Variants in PPEF2 observed in about 807,000 individuals in gnomAD.
PPEF2 encodes the protein protein phosphatase with EF-hand domain 2.
A neutral mutation model predicts 84.7 loss-of-function variants in PPEF2; 84 were observed. The ratio of observed to expected loss-of-function variants is 0.99; its 90% CI spans 0.83 to 1.19. The LOEUF (loss-of-function observed/expected upper bound fraction) is 1.19, where lower values mean the gene tolerates loss of function less well. Among genes scored for constraint, PPEF2 ranks in the 50% most tolerant of loss-of-function variants. The pLI is 0.00. For synonymous variants in PPEF2, 346 were observed against 345.2 expected (o/e 1.00, Z -0.03); for missense variants, 924 against 937.5 (o/e 0.99, Z 0.19).
intron 2 of PPEF2, among the ~76,000 whole-genome samples, chr4:75,892,605 C>G (rs1724916929): frequency 6.6e-6 from 1 of 152,230 alleles, no homozygotes; most frequent in African/African-American, 2.4e-5. Context: ...TTGCCATCCC[C>G]AGTTCCATGA....
In PPEF2 at chr4:75,896,414, G is replaced by A. The variant is rs1441230817; in HGVS notation, c.-58-31C>T. ...AAAATGAAGAGAGAATCTGTAATAG[G>A]AGATGCAGGCAGAGTATTAAATCGG... On this transcript the variant is annotated intron_variant, in intron 1 of 16. Coordinates refer to ENST00000286719, the MANE Select transcript of PPEF2 (RefSeq NM_006239.3). 10 of 1,414,610 alleles carry A rather than the reference G, an allele frequency of 7.1e-6. No homozygotes were observed. The East Asian group carries it at 1.1e-4, about 16-fold the overall frequency. 87.6% of individuals were successfully genotyped at this position (1,414,610 alleles called of 1,614,324 possible).
chr4:75,883,814 T>A (rs2149222641), intron 8 of PPEF2, among the ~76,000 whole-genome samples: 1 of 52,552 alleles, frequency 1.9e-5, no homozygotes, highest in Admixed American at 3.6e-4. Flanking sequence ...CGAGACTCCG[T>A]CACAAAAAAA....
At chr4:75,865,051 C>T (rs1031709581) in intron 15 of PPEF2, among the ~76,000 whole-genome samples, 3 of 151,984 alleles carry the variant, frequency 2.0e-5, no homozygotes, top group Non-Finnish European at 4.4e-5. Flanking sequence ...ATTCTCCTGT[C>T]TCGGCCTCCC....
At position 75,866,295 on chromosome 4, in the gene PPEF2, A is replaced by C; in HGVS notation, c.1814T>G (p.Leu605Arg). The C allele has an allele frequency of 6.2e-7, 1 of 1,614,178 alleles. No individual in the cohort carries two copies. Among genetic ancestry groups the C allele is most frequent in the South Asian group, 1.1e-5 (1 of 91,074 alleles). The change falls in exon 15 of 17, where the codon CTG becomes CGG. Residue 605 changes from leucine to arginine, a missense_variant. Physicochemically the swap from Leu to Arg is moderately radical, Grantham distance 102 (BLOSUM62 -2). Transcript: ENST00000286719. ...CTGTGGCCTCAGCATCCGCCATGGC[A>C]GTCCTAGGTGCAACACAGACTCCAC... ...AAVESVLHLG[L>R]PWRMLRPQLV...
At position 75,876,471 on chromosome 4, in the gene PPEF2, C is replaced by A. The variant is rs779461995; in HGVS notation, c.1136G>T (p.Gly379Val). The change falls in exon 11 of 17, where the codon GGT becomes GTT. Residue 379 changes from glycine (G) to valine (V), a missense_variant. Transcript: ENST00000286719. Reference sequence around the variant, plus strand: ...GGAGAGCTCCCGCCCGTCCAGGGAACCGCTGCAGGGGATGCTGGAGGACCT... The same window carrying A: ...GGAGAGCTCCCGCCCGTCCAGGGAAACGCTGCAGGGGATGCTGGAGGACCT... ...TSRSSSIPCS[G>V]SLDGRELSRQ... 1 of 1,613,954 alleles carries A rather than the reference C, an allele frequency of 6.2e-7. No homozygotes were observed.
At chr4:75,871,005 C>T (rs1303430341) in intron 13 of PPEF2, among the ~76,000 whole-genome samples, 2 of 151,562 alleles carry the variant, frequency 1.3e-5, no homozygotes, top group Non-Finnish European at 1.5e-5. Context: ...CAACCTCCAA[C>T]CTCCTGGGTT....
chr4:75,873,677 C>T (rs1724339183), intron 11 of PPEF2, among the ~76,000 whole-genome samples: 1 of 152,156 alleles, frequency 6.6e-6, no homozygotes, highest in Non-Finnish European at 1.5e-5. Context: ...GACATTTGCC[C>T]TAAAGAGAAG....
At position 75,876,478 on chromosome 4, in the gene PPEF2, A is replaced by AG. The variant is rs760808420; in HGVS notation, c.1128dup (p.Cys377LeufsTer50). 15 of 1,613,850 alleles carry AG rather than the reference A, an allele frequency of 9.3e-6. No individual in the cohort carries two copies. Among genetic ancestry groups the AG allele is most frequent in the Non-Finnish European group, 1.3e-5 (15 of 1,179,912 alleles). ...TCCCGCCCGTCCAGGGAACCGCTGC[A>AG]GGGGATGCTGGAGGACCTGCTGGTT... is the stretch of plus-strand genomic sequence containing the variant. On this transcript the variant is annotated frameshift_variant, in exon 11 of 17. Coordinates refer to ENST00000286719, the MANE Select transcript of PPEF2 (RefSeq NM_006239.3). LOFTEE classifies it high-confidence loss of function.
chr4:75,900,113 C>A (rs1314825189), intron 1 of PPEF2, among the ~76,000 whole-genome samples: 2 of 152,092 alleles, frequency 1.3e-5, no homozygotes, highest in Non-Finnish European at 2.9e-5. Context: ...ATATCAACAA[C>A]CAAAAATATG....
chr4:75,872,084 G>T lies in PPEF2; in HGVS notation c.1590C>A (p.Thr530=), dbSNP rs1560481253. The change falls in exon 13 of 17, where the codon ACC becomes ACA. Residue 530 remains threonine, a synonymous_variant. Transcript: ENST00000286719. The part of the protein sequence containing the change: ...GAYVKLGPAL[T]PHIVQYQANK... The stretch of plus-strand genomic sequence containing the variant: ...TAGCTTGATACTGCACAATATGTGG[G>T]GTCAGGGCTGGCCCCAGTTTGACAT... 1 of 1,613,750 alleles carries T rather than the reference G, an allele frequency of 6.2e-7. No individual in the cohort carries two copies. The highest frequency in any genetic ancestry group is 2.2e-5 in the East Asian group (1 of 44,872).
At chr4:75,882,815 C>T (rs1724609984) in intron 10 of PPEF2, 111 bp downstream of exon 10, 2 of 1,224,674 alleles carry the variant, frequency 1.6e-6, no homozygotes, top group Non-Finnish European at 2.3e-6. Flanking sequence ...ATGGCCTCCA[C>T]ACTCTTAACA....
chr4:75,877,385 A>G (rs1724455476), intron 10 of PPEF2, among the ~76,000 whole-genome samples: 2 of 28,794 alleles, frequency 6.9e-5, no homozygotes, highest in East Asian at 0.016. Flanking sequence ...AAAGAGAGAA[A>G]GAAAGAAGAG....
intron 10 of PPEF2, 22 bp downstream of exon 10, chr4:75,882,904 G>A: frequency 1.3e-6 from 2 of 1,595,314 alleles, no homozygotes; most frequent in Non-Finnish European, 8.5e-7. Context: ...GGTGAAATTT[G>A]TATTATTTCA....
chr4:75,897,945 C>T (rs1302499887), intron 1 of PPEF2, among the ~76,000 whole-genome samples: 1 of 152,084 alleles, frequency 6.6e-6, no homozygotes, highest in East Asian at 1.9e-4. Context: ...AGCTGAGAGC[C>T]CTGAACAGAG....
intron 2 of PPEF2, 39 bp from the exon 3 acceptor site, chr4:75,892,017 C>T (rs766942528): frequency 6.2e-7 from 1 of 1,603,732 alleles, no homozygotes; most frequent in Non-Finnish European, 8.5e-7. Context: ...TGAGCTCGGA[C>T]TCCCTGGGCC....
rs375738589 is a variant in PPEF2, at chr4:75,891,935, G to C, written c.99C>G (p.Tyr33Ter). 6.2e-7 allele frequency: 1 copy of C among 1,614,134 alleles called. No homozygotes were observed. The highest frequency in any genetic ancestry group is 8.5e-7 in the Non-Finnish European group (1 of 1,180,002). The change falls in exon 3 of 17, where the codon TAC (tyrosine) becomes TAG (stop). Residue 33 changes from tyrosine to a stop codon, truncating the protein, a stop_gained. Coordinates refer to ENST00000286719, the MANE Select transcript of PPEF2 (RefSeq NM_006239.3). LOFTEE classifies it high-confidence loss of function. ...AALIQRWYRRYVARLEMRRRC... is the reference protein window; with the variant it reads ...AALIQRWYRR ...GCCGCCTCATCTCCAGGCGGGCCAC[G>C]TAGCGCCGGTACCATCTCTGGATCA...
intron 16 of PPEF2, among the ~76,000 whole-genome samples, chr4:75,861,679 A>C (rs1190302591): frequency 1.6e-5 from 2 of 127,820 alleles, no homozygotes; most frequent in East Asian, 3.5e-4. Flanking sequence ...GCACAATCTC[A>C]GCTCACTACA....
chr4:75,888,822 C>T (rs773016346), intron 5 of PPEF2, among the ~76,000 whole-genome samples: 4 of 152,240 alleles, frequency 2.6e-5, no homozygotes, highest in African/African-American at 7.2e-5. Context: ...TGTCATCTTT[C>T]GCTTGGACGA....
In PPEF2 at chr4:75,891,887, C is replaced by A; in HGVS notation, c.147G>T (p.Gln49His). ...MRRRCTWSIF[Q>H]SIEYAGQQDQ... Reference sequence around the variant, plus strand: ...CTTGCTGCCCAGCATATTCTATAGACTGGAAGATGCTCCAGGTGCAACGCC... The same window carrying A: ...CTTGCTGCCCAGCATATTCTATAGAATGGAAGATGCTCCAGGTGCAACGCC... Residue 49 changes from glutamine (Q) to histidine (H), a missense_variant, in exon 3 of 17, where the codon CAG becomes CAT. Coordinates refer to ENST00000286719, the MANE Select transcript of PPEF2 (RefSeq NM_006239.3). 6.2e-7 allele frequency: 1 copy of A among 1,614,128 alleles called. No homozygotes were observed. Among genetic ancestry groups the A allele is most frequent in the Middle Eastern group, 1.7e-4 (1 of 6,060 alleles).
Sources: gnomAD v4.1 joint callset for allele counts (sites outside exome capture counted in the v4.1 genomes callset) on GRCh38, gnomAD v4.1.1 for gene constraint, MANE v1.5 for transcripts, NCBI Gene and HGNC (gene_info 2026-07-23, HGNC 2026-07-21) for gene names.